The following CLSTN2 variants were observed in gnomAD, a reference collection of about 807,000 sequenced individuals.
CLSTN2 encodes calsyntenin 2, also known as calsyntenin-2.
Under a neutral mutation model 101.2 loss-of-function variants are expected in CLSTN2, and 48 were observed. That is an observed-to-expected ratio of 0.47 (90% CI 0.38 to 0.60). CLSTN2 has a LOEUF of 0.60. Among genes scored for constraint, CLSTN2 ranks in the 20% least tolerant of loss-of-function variants. The pLI is 0.00. For missense variants in CLSTN2, 1,160 were observed against 1,238.2 expected (o/e 0.94, Z 0.95); for synonymous variants, 481 against 463.6 (o/e 1.04, Z -0.48).
intron 1 of CLSTN2, among the ~76,000 whole-genome samples, chr3:140,040,065 G>A (rs1320232571): frequency 1.3e-5 from 2 of 152,180 alleles, no homozygotes; most frequent in Non-Finnish European, 2.9e-5. Flanking sequence ...TACTAGGTGA[G>A]TTTACATAGT....
chr3:140,047,227 G>A (rs1484374224), intron 1 of CLSTN2, among the ~76,000 whole-genome samples: 1 of 152,104 alleles, frequency 6.6e-6, no homozygotes, highest in Non-Finnish European at 1.5e-5. Context: ...CTTCCCATGG[G>A]AAACACCACC....
intron 1 of CLSTN2, among the ~76,000 whole-genome samples, chr3:140,153,271 A>G (rs1023757092): frequency 6.6e-6 from 1 of 152,242 alleles, no homozygotes; most frequent in Non-Finnish European, 1.5e-5. Context: ...TGGCACTGGT[A>G]ATATAAGGGG....
At chr3:140,291,264 G>T (rs181787736) in intron 2 of CLSTN2, among the ~76,000 whole-genome samples, 12 of 151,998 alleles carry the variant, frequency 7.9e-5, no homozygotes, top group African/African-American at 2.9e-4. Flanking sequence ...GCGTACTCAT[G>T]GCCCCGCCTC....
intron 8 of CLSTN2, among the ~76,000 whole-genome samples, chr3:140,501,306 T>G (rs1934572297): frequency 1.3e-5 from 2 of 152,254 alleles, no homozygotes; most frequent in Non-Finnish European, 2.9e-5. Context: ...TCTAATGCTC[T>G]TTGGAGGCTG....
intron 1 of CLSTN2, among the ~76,000 whole-genome samples, chr3:140,090,073 G>A (rs2008751049): frequency 7.0e-6 from 1 of 143,490 alleles, no homozygotes; most frequent in Non-Finnish European, 1.5e-5. Context: ...GTGTGGGGGA[G>A]AAATTTATGG....
At chr3:140,339,195 G>A (rs538520763) in intron 2 of CLSTN2, among the ~76,000 whole-genome samples, 2 of 152,276 alleles carry the variant, frequency 1.3e-5, no homozygotes, top group South Asian at 2.1e-4. Context: ...TTAGATCAAA[G>A]GTTCTCAGGG....
intron 2 of CLSTN2, among the ~76,000 whole-genome samples, chr3:140,355,780 G>A (rs918871157): frequency 2.0e-5 from 3 of 152,220 alleles, no homozygotes; most frequent in African/African-American, 7.2e-5. Context: ...AGTCCTGGAG[G>A]CCACAGCCTG....
chr3:140,469,448 G>A (rs1442021158), intron 8 of CLSTN2, among the ~76,000 whole-genome samples: 1 of 152,168 alleles, frequency 6.6e-6, no homozygotes, highest in Admixed American at 6.5e-5. Flanking sequence ...AGCTCCCTGT[G>A]TAGACAGAAC....
chr3:140,042,207 T>C (rs1490049762), intron 1 of CLSTN2, among the ~76,000 whole-genome samples: 1 of 152,124 alleles, frequency 6.6e-6, no homozygotes, highest in African/African-American at 2.4e-5. Context: ...CAGTAAGAAA[T>C]CCCTGTACCC....
chr3:139,965,183 CT>C (rs1284607957), intron 1 of CLSTN2, among the ~76,000 whole-genome samples: 2 of 152,190 alleles, frequency 1.3e-5, no homozygotes, highest in East Asian at 3.8e-4. Flanking sequence ...ATCAAAGGTT[CT>C]ATCATTAGCT....
intron 1 of CLSTN2, among the ~76,000 whole-genome samples, chr3:140,139,806 C>T (rs188585946): frequency 1.3e-5 from 2 of 152,316 alleles, no homozygotes; most frequent in East Asian, 3.9e-4. Context: ...TTGGCTTATA[C>T]TTAAGTCAGT....
intron 8 of CLSTN2, among the ~76,000 whole-genome samples, chr3:140,471,384 G>C (rs1173968646): frequency 6.6e-6 from 1 of 152,204 alleles, no homozygotes; most frequent in Non-Finnish European, 1.5e-5. Flanking sequence ...GGAAGACACA[G>C]CTTGAGTGAC....
intron 1 of CLSTN2, among the ~76,000 whole-genome samples, chr3:139,997,612 C>T (rs941109736): frequency 6.6e-6 from 1 of 152,170 alleles, no homozygotes; most frequent in African/African-American, 2.4e-5. Flanking sequence ...CTGCCTTAAT[C>T]ATTACACATC....
At chr3:140,295,466 A>G (rs2107906288) in intron 2 of CLSTN2, among the ~76,000 whole-genome samples, 1 of 152,180 alleles carries the variant, frequency 6.6e-6, no homozygotes. Context: ...ATTTGCTCAC[A>G]TTTTTGTTGA....
At chr3:140,412,072 A>G (rs951591056) in intron 4 of CLSTN2, among the ~76,000 whole-genome samples, 4 of 152,170 alleles carry the variant, frequency 2.6e-5, no homozygotes, top group Admixed American at 6.5e-5. Context: ...TGGAGTTGCA[A>G]TGGTGCAATC....
At chr3:140,178,182 T>G (rs1300006630) in intron 2 of CLSTN2, among the ~76,000 whole-genome samples, 1 of 152,138 alleles carries the variant, frequency 6.6e-6, no homozygotes, top group Admixed American at 6.6e-5. Context: ...CCGAAGTCGT[T>G]GAATAAGCTG....
chr3:140,302,362 G>A (rs150365705), intron 2 of CLSTN2, among the ~76,000 whole-genome samples: 7 of 152,160 alleles, frequency 4.6e-5, no homozygotes, highest in African/African-American at 1.4e-4. Context: ...TTGGGTTTAT[G>A]GACAGAAAAA....
At chr3:140,068,990 T>G (rs1392889010) in intron 1 of CLSTN2, among the ~76,000 whole-genome samples, 1 of 152,176 alleles carries the variant, frequency 6.6e-6, no homozygotes, top group Non-Finnish European at 1.5e-5. Flanking sequence ...TGGGGAGGAA[T>G]TTTTTCCTGC....
At chr3:140,117,242 T>C (rs543627549) in intron 1 of CLSTN2, among the ~76,000 whole-genome samples, 1 of 152,324 alleles carries the variant, frequency 6.6e-6, no homozygotes, top group Non-Finnish European at 1.5e-5. Context: ...CTGCAGCCTC[T>C]GACCTTCTCA....
Sources: allele counts gnomAD v4.1 joint callset (sites outside exome capture counted in the v4.1 genomes callset), GRCh38; gene constraint gnomAD v4.1.1; transcripts MANE v1.5; gene names NCBI Gene and HGNC (gene_info 2026-07-23, HGNC 2026-07-21).